ROBO2: variants seen among roughly 807,000 people sequenced by gnomAD.
ROBO2 encodes roundabout homolog 2.
A neutral mutation model predicts 160.8 loss-of-function variants in ROBO2; 53 were observed. That is an observed-to-expected ratio of 0.33 (90% CI 0.26 to 0.41). The LOEUF (loss-of-function observed/expected upper bound fraction) is 0.41, where lower values mean the gene tolerates loss of function less well. ROBO2 is among the 10% of genes least tolerant of loss of function. ROBO2 has a pLI of 1.00. For synonymous variants in ROBO2, 664 were observed against 611.7 expected, an observed-to-expected ratio of 1.09 and a Z score of -1.26; for missense variants, 1,577 against 1,722.4, an observed-to-expected ratio of 0.92 and a Z score of 1.49.
chr3:76,774,777 A>G (rs531105688), intron 2 of ROBO2, among the ~76,000 whole-genome samples: 2 of 148,288 alleles, frequency 1.3e-5, no homozygotes, highest in African/African-American at 2.5e-5. Context: ...TTTGCCTTCA[A>G]TTAGAAATGG....
At chr3:76,278,751 A>G (rs1003015615) in intron 2 of ROBO2, among the ~76,000 whole-genome samples, 2 of 152,008 alleles carry the variant, frequency 1.3e-5, no homozygotes, top group African/African-American at 2.4e-5. Context: ...GTCAACACAT[A>G]TCTTTAGGGG....
intron 2 of ROBO2, among the ~76,000 whole-genome samples, chr3:77,454,405 C>T (rs2081412126): frequency 6.6e-6 from 1 of 152,112 alleles, no homozygotes; most frequent in African/African-American, 2.4e-5. Flanking sequence ...TATGCTAAAT[C>T]CCTGACTCAT....
At chr3:75,982,651 T>A (rs2065310468) in intron 2 of ROBO2, among the ~76,000 whole-genome samples, 1 of 151,590 alleles carries the variant, frequency 6.6e-6, no homozygotes, top group African/African-American at 2.4e-5. Flanking sequence ...GTCTTACATT[T>A]GTGATTTCAC....
intron 4 of ROBO2, among the ~76,000 whole-genome samples, chr3:77,486,580 G>T (rs2085382225): frequency 6.6e-6 from 1 of 152,076 alleles, no homozygotes; most frequent in South Asian, 2.1e-4. Flanking sequence ...AGAAGTGTCT[G>T]TTCAGGCTCT....
chr3:76,948,894 A>G (rs1298119797), intron 2 of ROBO2, among the ~76,000 whole-genome samples: 1 of 26,724 alleles, frequency 3.7e-5, no homozygotes, highest in African/African-American at 1.6e-4. Flanking sequence ...ATATATATAT[A>G]TATATATATA....
chr3:76,155,955 T>C (rs1490028971), intron 2 of ROBO2, among the ~76,000 whole-genome samples: 1 of 152,104 alleles, frequency 6.6e-6, no homozygotes, highest in Non-Finnish European at 1.5e-5. Context: ...AAGAAACTAG[T>C]CGGTTATATA....
At chr3:77,382,957 T>G (rs1401662672) in intron 2 of ROBO2, among the ~76,000 whole-genome samples, 2 of 152,244 alleles carry the variant, frequency 1.3e-5, no homozygotes, top group African/African-American at 4.8e-5. Context: ...ATACTTTTTT[T>G]TAATGACAGA....
chr3:76,587,033 A>G (rs1205795145), intron 2 of ROBO2, among the ~76,000 whole-genome samples: 1 of 152,140 alleles, frequency 6.6e-6, no homozygotes, highest in African/African-American at 2.4e-5. Flanking sequence ...TAAATTGTTG[A>G]GCCCAGATAC....
chr3:76,922,689 C>T (rs1427603846), intron 2 of ROBO2, among the ~76,000 whole-genome samples: 1 of 152,178 alleles, frequency 6.6e-6, no homozygotes, highest in Non-Finnish European at 1.5e-5. Context: ...CGGCATCTCA[C>T]AGAGGTTGGG....
chr3:76,170,060 G>A lies in ROBO2; in HGVS notation c.109+232458G>A, dbSNP rs575666187. On this transcript the variant is annotated intron_variant, in intron 2 of 26. Transcript: ENST00000487694. ...CTCCCAACGTGCTGGGATTACAGGCGTGAGCCACTATGCCTGGCCATCGTT... is the reference window on the plus strand; with the variant it reads ...CTCCCAACGTGCTGGGATTACAGGCATGAGCCACTATGCCTGGCCATCGTT... Among the ~76,000 whole-genome samples, 9 of 152,236 alleles carry A rather than the reference G, an allele frequency of 5.9e-5. No homozygotes were observed. The South Asian group carries it at 1.0e-3, about 18-fold the overall frequency.
intron 2 of ROBO2, among the ~76,000 whole-genome samples, chr3:76,864,466 A>T (rs17014844): frequency 0.12 from 18,600 of 151,914 alleles, 1,292 homozygotes; most frequent in East Asian, 0.24. Context: ...TCTGCATTTC[A>T]TATCCCATGT....
At chr3:77,649,912 AATTGTGT>A (rs2095437463) in exon 26 of ROBO2, 2 of 152,276 alleles carry the variant, frequency 1.3e-5, no homozygotes, top group South Asian at 4.1e-4. Flanking sequence ...ATTGTCAAAG[AATTGTGT>A]ATTGTGTACT....
chr3:77,376,227 T>C (rs1468625322), intron 2 of ROBO2, among the ~76,000 whole-genome samples: 1 of 145,408 alleles, frequency 6.9e-6, no homozygotes, highest in Non-Finnish European at 1.5e-5. Context: ...CAATCTCTGC[T>C]CACTGCAACC....
chr3:76,482,179 T>C (rs913104788), intron 2 of ROBO2, among the ~76,000 whole-genome samples: 2 of 152,170 alleles, frequency 1.3e-5, no homozygotes, highest in African/African-American at 4.8e-5. Context: ...CAGGTATGCC[T>C]TTATTTCATG....
intron 2 of ROBO2, among the ~76,000 whole-genome samples, chr3:77,465,200 T>G (rs190441786): frequency 2.6e-5 from 4 of 152,286 alleles, no homozygotes; most frequent in Admixed American, 2.0e-4. Flanking sequence ...TAAGGCAGTT[T>G]GTGAATTTTA....
intron 2 of ROBO2, among the ~76,000 whole-genome samples, chr3:76,283,222 A>G (rs1708338466): frequency 7.1e-6 from 1 of 141,554 alleles, no homozygotes; most frequent in Non-Finnish European, 1.5e-5. Context: ...AATAATCTGT[A>G]ATAATTCAGT....
rs141443466 is a variant in ROBO2 at position 76,903,161 on chromosome 3, A to G, written c.110-194853A>G. ...ATGACCGATATTGAACTAACTTTGC[A>G]TTCTCAAAATAAACCCTAAGTGGTT... is the stretch of plus-strand genomic sequence containing the variant. On this transcript the variant is annotated intron_variant, in intron 2 of 26. Transcript: ENST00000487694. 6.6e-5 allele frequency among the ~76,000 whole-genome samples: 10 copies of G among 152,182 alleles called. No homozygotes were observed. The East Asian group carries it at 1.9e-3, about 29-fold the overall frequency.
chr3:76,209,660 T>C (rs1383848581), intron 2 of ROBO2, among the ~76,000 whole-genome samples: 1 of 152,146 alleles, frequency 6.6e-6, no homozygotes, highest in African/African-American at 2.4e-5. Context: ...CATCAAATAA[T>C]ATTCTAGGCA....
At chr3:77,517,158 A>G (rs1212252083) in intron 5 of ROBO2, among the ~76,000 whole-genome samples, 2 of 151,742 alleles carry the variant, frequency 1.3e-5, no homozygotes, top group Non-Finnish European at 3.0e-5. Flanking sequence ...CAAAGACTAA[A>G]AAGAAAGTAA....
Sources: gnomAD v4.1 joint callset for allele counts (sites outside exome capture counted in the v4.1 genomes callset) on GRCh38, gnomAD v4.1.1 for gene constraint, MANE v1.5 for transcripts, NCBI Gene and HGNC (gene_info 2026-07-23, HGNC 2026-07-21) for gene names.